The following HS6ST3 variants were observed in gnomAD, a reference collection of about 807,000 sequenced individuals.
The protein encoded by HS6ST3 is heparan sulfate 6-O-sulfotransferase 3.
In HS6ST3, 12 loss-of-function variants were observed where a neutral mutation model predicts 36.7. The ratio of observed to expected loss-of-function variants is 0.33; its 90% CI spans 0.21 to 0.53. The LOEUF (loss-of-function observed/expected upper bound fraction) is 0.53, where lower values mean the gene tolerates loss of function less well. HS6ST3 is among the 20% of genes least tolerant of loss of function. The pLI, the probability that HS6ST3 is intolerant of heterozygous loss-of-function variation, is 0.95. For synonymous variants in HS6ST3, 240 were observed against 257.5 expected (o/e 0.93, Z 0.65); for missense variants, 584 against 640.9 (o/e 0.91, Z 0.96).
At chr13:96,748,869 CT>C (rs1398340948) in intron 1 of HS6ST3, among the ~76,000 whole-genome samples, 1 of 152,102 alleles carries the variant, frequency 6.6e-6, no homozygotes, top group Non-Finnish European at 1.5e-5. Flanking sequence ...GGTACAAATT[CT>C]TGCCATTTTC....
At chr13:96,291,464 A>G (rs557337900) in intron 1 of HS6ST3, among the ~76,000 whole-genome samples, 1 of 152,206 alleles carries the variant, frequency 6.6e-6, no homozygotes, top group Non-Finnish European at 1.5e-5. Flanking sequence ...AATATGGGCT[A>G]GGAAACAAGG....
intron 1 of HS6ST3, among the ~76,000 whole-genome samples, chr13:96,192,881 T>G (rs1197701410): frequency 6.6e-6 from 1 of 152,048 alleles, no homozygotes; most frequent in Admixed American, 6.6e-5. Context: ...TGGGAAAAAG[T>G]GAAAAATGGT....
At chr13:96,435,638 G>T (rs4771948) in intron 1 of HS6ST3, among the ~76,000 whole-genome samples, 72,091 of 152,006 alleles carry the variant, frequency 0.47, 17,783 homozygotes, top group African/African-American at 0.61. Context: ...TCGCATATTG[G>T]TTAAGTGAAT....
At chr13:96,166,206 T>G (rs1226178541) in intron 1 of HS6ST3, among the ~76,000 whole-genome samples, 4 of 152,062 alleles carry the variant, frequency 2.6e-5, no homozygotes, top group Non-Finnish European at 5.9e-5. Flanking sequence ...TACAGGCACA[T>G]GCCACAGAGA....
chr13:96,494,567 G>A (rs1274261393), intron 1 of HS6ST3, among the ~76,000 whole-genome samples: 1 of 150,838 alleles, frequency 6.6e-6, no homozygotes, highest in Non-Finnish European at 1.5e-5. Flanking sequence ...GAACCACGAT[G>A]TACCTACTTA....
chr13:96,368,438 A>G lies in HS6ST3; in HGVS notation c.707+276869A>G, dbSNP rs1327425402. On this transcript the variant is annotated intron_variant, in intron 1 of 1. Transcript: ENST00000376705. ...CCAGCTGGTAGACTCGTTCGATGAAAAAAAGGACTTCTCACATCATAAGCA... is the reference window on the plus strand; with the variant it reads ...CCAGCTGGTAGACTCGTTCGATGAAGAAAAGGACTTCTCACATCATAAGCA... 7.9e-5 allele frequency among the ~76,000 whole-genome samples: 12 copies of G among 152,140 alleles called. 1 individual carries two copies. The highest frequency in any genetic ancestry group is 2.9e-4 in the African/African-American group (12 of 41,442).
At chr13:96,336,739 C>G (rs1012875795) in intron 1 of HS6ST3, among the ~76,000 whole-genome samples, 5 of 152,100 alleles carry the variant, frequency 3.3e-5, no homozygotes, top group Non-Finnish European at 7.4e-5. Flanking sequence ...TACGGTAGCC[C>G]TAGCAGACTA....
chr13:96,280,001 C>T, intron 1 of HS6ST3, among the ~76,000 whole-genome samples: 1 of 152,132 alleles, frequency 6.6e-6, no homozygotes, highest in East Asian at 1.9e-4. Flanking sequence ...AATTTTTGCT[C>T]CTGTGGCTTC....
At chr13:96,305,057 A>T (rs2054905579) in intron 1 of HS6ST3, among the ~76,000 whole-genome samples, 1 of 151,986 alleles carries the variant, frequency 6.6e-6, no homozygotes, top group Non-Finnish European at 1.5e-5. Context: ...TTCCACATTT[A>T]TTTATTCATC....
chr13:96,519,537 A>C (rs2138925957), intron 1 of HS6ST3, among the ~76,000 whole-genome samples: 1 of 152,332 alleles, frequency 6.6e-6, no homozygotes, highest in South Asian at 2.1e-4. Flanking sequence ...TAGGGCTGGA[A>C]GTGAGCTGGC....
At chr13:96,438,899 G>A (rs1361875660) in intron 1 of HS6ST3, among the ~76,000 whole-genome samples, 1 of 151,880 alleles carries the variant, frequency 6.6e-6, no homozygotes, top group African/African-American at 2.4e-5. Flanking sequence ...AAACCCATCT[G>A]TACTAAAAAT....
At chr13:96,521,093 A>C (rs1225713580) in intron 1 of HS6ST3, among the ~76,000 whole-genome samples, 1 of 152,216 alleles carries the variant, frequency 6.6e-6, no homozygotes, top group East Asian at 1.9e-4. Flanking sequence ...CCTTTTCTGC[A>C]TCTATTGAGA....
At chr13:96,549,080 C>T (rs1048104383) in intron 1 of HS6ST3, among the ~76,000 whole-genome samples, 4 of 152,208 alleles carry the variant, frequency 2.6e-5, no homozygotes, top group African/African-American at 4.8e-5. Context: ...ATTCCTCATA[C>T]GGTGCAGTTT....
intron 1 of HS6ST3, among the ~76,000 whole-genome samples, chr13:96,306,251 A>G (rs992132184): frequency 5.3e-5 from 8 of 151,532 alleles, no homozygotes; most frequent in Non-Finnish European, 8.8e-5. Context: ...CTACAGGTGC[A>G]TGCCACCATG....
intron 1 of HS6ST3, among the ~76,000 whole-genome samples, chr13:96,571,422 A>G (rs2138962212): frequency 6.6e-6 from 1 of 152,356 alleles, no homozygotes; most frequent in Admixed American, 6.5e-5. Context: ...AATGATAAAC[A>G]ATATCAGCAA....
In HS6ST3 at chr13:96,133,843, G is replaced by GT. The variant is rs71113979; in HGVS notation, c.707+42291dup. ...CCAGAGCAACTCTTTGAGCTTTTAT[G>GT]TTTTTTTTTTTTTTTTTAGTAGTTT... On this transcript the variant is annotated intron_variant, in intron 1 of 1. Transcript: ENST00000376705. Among the ~76,000 whole-genome samples, 245 of 142,166 alleles carry GT rather than the reference G, an allele frequency of 1.7e-3. 1 individual carries two copies. The highest frequency in any genetic ancestry group is 4.0e-3 in the African/African-American group (153 of 38,582). 93.3% of individuals were successfully genotyped at this position (142,166 alleles called of 152,430 possible). A position where few individuals can be genotyped will look rare whatever the true frequency, so the allele number is the denominator to read the frequency against.
chr13:96,423,839 G>A (rs901482808), intron 1 of HS6ST3, among the ~76,000 whole-genome samples: 5 of 152,162 alleles, frequency 3.3e-5, no homozygotes, highest in African/African-American at 1.2e-4. Context: ...TGGAAGTAAG[G>A]TCAATTATGA....
chr13:96,416,939 A>G, intron 1 of HS6ST3, among the ~76,000 whole-genome samples: 1 of 151,836 alleles, frequency 6.6e-6, no homozygotes, highest in Non-Finnish European at 1.5e-5. Context: ...TTTTGTTGAG[A>G]CAGGGTTTCA....
chr13:96,268,498 A>G (rs1306084112), intron 1 of HS6ST3, among the ~76,000 whole-genome samples: 1 of 151,904 alleles, frequency 6.6e-6, no homozygotes. Context: ...TCCTCCCACG[A>G]CACATGGGGA....
Sources: gnomAD v4.1 joint callset for allele counts (sites outside exome capture counted in the v4.1 genomes callset) on GRCh38, gnomAD v4.1.1 for gene constraint, MANE v1.5 for transcripts, NCBI Gene and HGNC (gene_info 2026-07-23, HGNC 2026-07-21) for gene names.